Variants in EDIL3 observed in about 807,000 individuals in gnomAD.
EDIL3 encodes EGF-like repeat and discoidin I-like domain-containing protein 3.
A neutral mutation model predicts 67.4 loss-of-function variants in EDIL3; 37 were observed. The ratio of observed to expected loss-of-function variants is 0.55; its 90% CI spans 0.42 to 0.72. The LOEUF is 0.72. Among genes scored for constraint, EDIL3 ranks in the 30% least tolerant of loss-of-function variants. EDIL3 has a pLI of 0.00. For missense variants in EDIL3, 527 were observed against 586.3 expected, an observed-to-expected ratio of 0.90 and a Z score of 1.04; for synonymous variants, 195 against 196.3, an observed-to-expected ratio of 0.99 and a Z score of 0.05.
chr5:84,032,839 C>T (rs968491710), intron 9 of EDIL3, among the ~76,000 whole-genome samples: 2 of 152,118 alleles, frequency 1.3e-5, no homozygotes, highest in Non-Finnish European at 2.9e-5. Context: ...TGTTATGTTT[C>T]TCCCATCAAA....
At chr5:84,072,367 A>T (rs1181433844) in intron 6 of EDIL3, among the ~76,000 whole-genome samples, 1 of 151,862 alleles carries the variant, frequency 6.6e-6, no homozygotes, top group Non-Finnish European at 1.5e-5. Context: ...TGAAAAGATA[A>T]TCATATTCAT....
intron 9 of EDIL3, among the ~76,000 whole-genome samples, chr5:83,997,414 AAAGAGGGTT>A (rs1204501536): frequency 1.3e-4 from 20 of 152,290 alleles, no homozygotes; most frequent in Admixed American, 3.9e-4. Flanking sequence ...GCAATTGAGT[AAAGAGGGTT>A]AAGAGGGTTT....
At chr5:84,230,156 A>G (rs900578686) in intron 2 of EDIL3, among the ~76,000 whole-genome samples, 8 of 152,172 alleles carry the variant, frequency 5.3e-5, no homozygotes, top group African/African-American at 1.9e-4. Context: ...TTAGAAAAAA[A>G]TTGAATTGTC....
At chr5:84,346,257 C>T (rs1747238501) in intron 1 of EDIL3, among the ~76,000 whole-genome samples, 1 of 150,986 alleles carries the variant, frequency 6.6e-6, no homozygotes, top group Non-Finnish European at 1.5e-5. Context: ...GATTCCCCTG[C>T]CTCAGCCTCC....
At chr5:84,332,377 A>G (rs1161722178) in intron 1 of EDIL3, among the ~76,000 whole-genome samples, 1 of 152,126 alleles carries the variant, frequency 6.6e-6, no homozygotes, top group Non-Finnish European at 1.5e-5. Context: ...GTCTCCAAAA[A>G]AAGTTGAGGA....
At chr5:83,959,984 A>T (rs1230277716) in intron 10 of EDIL3, among the ~76,000 whole-genome samples, 2 of 150,818 alleles carry the variant, frequency 1.3e-5, no homozygotes, top group Non-Finnish European at 3.0e-5. Context: ...AAATGGAGAG[A>T]CCTAATGCTC....
intron 9 of EDIL3, among the ~76,000 whole-genome samples, chr5:83,988,476 T>G (rs1375818475): frequency 6.6e-6 from 1 of 152,186 alleles, no homozygotes; most frequent in Non-Finnish European, 1.5e-5. Flanking sequence ...TGTCCCATTT[T>G]GCACAAAGCT....
At chr5:84,264,562 C>T (rs945263405) in intron 1 of EDIL3, among the ~76,000 whole-genome samples, 2 of 152,082 alleles carry the variant, frequency 1.3e-5, no homozygotes, top group African/African-American at 4.8e-5. Context: ...TGAGGGTCGA[C>T]AGCAAAGGAG....
intron 9 of EDIL3, among the ~76,000 whole-genome samples, chr5:84,015,396 A>G (rs540784142): frequency 2.6e-5 from 4 of 152,352 alleles, no homozygotes; most frequent in South Asian, 2.1e-4. Flanking sequence ...GCCCAGACTC[A>G]TAATTTCATT....
intron 3 of EDIL3, among the ~76,000 whole-genome samples, chr5:84,193,588 G>A (rs1743637288): frequency 6.6e-6 from 1 of 151,860 alleles, no homozygotes; most frequent in Non-Finnish European, 1.5e-5. Context: ...AAGTTTAGAG[G>A]TAACATAAGG....
rs148807991 is a variant in EDIL3 at position 84,245,607 on chromosome 5, T to C, written c.196+8477A>G. ...AATCAATGAAGAAGATGAAATCAAG[T>C]AACAGAATGAAAGATTGTAAAGATT... On this transcript the variant is annotated intron_variant, in intron 2 of 10. Transcript: ENST00000296591. Among the ~76,000 whole-genome samples, 240 of 152,216 alleles carry C rather than the reference T, an allele frequency of 1.6e-3. 6 individuals carry two copies. In the East Asian group the frequency reaches 0.042, roughly 26 times the overall value.
chr5:84,329,328 T>A (rs1384627456), intron 1 of EDIL3, among the ~76,000 whole-genome samples: 6 of 152,152 alleles, frequency 3.9e-5, no homozygotes, highest in Admixed American at 1.3e-4. Context: ...AAATGTGTGC[T>A]GATATTTTTC....
chr5:84,181,005 T>C (rs994131346), intron 3 of EDIL3: 1 of 152,260 alleles, frequency 6.6e-6, no homozygotes, highest in Non-Finnish European at 1.5e-5. Context: ...CCCCTGCTGG[T>C]ACAAGCAGCA....
rs200153619 is a variant in EDIL3 at position 84,060,434 on chromosome 5, T to C, written c.1003A>G (p.Ile335Val). ...MKSGHIQDYQ[I>V]TASSIFRTLN... ...GTTCTGAAGATGCTGGAGGCAGTGA[T>C]CTGATAGTCTTGTATATGTCCTGAT... Residue 335 changes from isoleucine to valine, a missense_variant, in exon 9 of 11, where the codon ATC becomes GTC. Ile to Val is a conservative substitution (Grantham distance 29). Transcript: ENST00000296591. 5.0e-6 allele frequency: 8 copies of C among 1,613,788 alleles called. No homozygotes were observed. Among genetic ancestry groups the C allele is most frequent in the African/African-American group, 2.7e-5 (2 of 75,026 alleles).
At chr5:84,290,849 C>A (rs1034587807) in intron 1 of EDIL3, among the ~76,000 whole-genome samples, 1 of 152,124 alleles carries the variant, frequency 6.6e-6, no homozygotes, top group Non-Finnish European at 1.5e-5. Context: ...AGTCTCAAAC[C>A]TAGCCAAAGA....
intron 1 of EDIL3, among the ~76,000 whole-genome samples, chr5:84,299,115 T>G (rs1198098098): frequency 6.6e-6 from 1 of 152,166 alleles, no homozygotes; most frequent in Non-Finnish European, 1.5e-5. Context: ...TAGGTTGCAG[T>G]GTAGGTAAGA....
In EDIL3 at chr5:84,296,015, T is replaced by C. The variant is rs578237125; in HGVS notation, c.68-41803A>G. On this transcript the variant is annotated intron_variant, in intron 1 of 10. Coordinates refer to ENST00000296591, the MANE Select transcript of EDIL3 (RefSeq NM_005711.5). ...ACCTTTTCTAGCTTTGATTTCTGCA[T>C]TGGCAAAATGGGGATAATTAGAGTT... Among the ~76,000 whole-genome samples the C allele has an allele frequency of 6.6e-5, 10 of 152,340 alleles. No individual in the cohort carries two copies. In the East Asian group the frequency reaches 1.7e-3, roughly 26 times the overall value.
At chr5:84,174,434 G>A (rs1018610935) in intron 4 of EDIL3, among the ~76,000 whole-genome samples, 2 of 152,188 alleles carry the variant, frequency 1.3e-5, no homozygotes, top group Non-Finnish European at 2.9e-5. Flanking sequence ...TCAGTTCAAA[G>A]GGCCTATAAC....
intron 3 of EDIL3, among the ~76,000 whole-genome samples, chr5:84,210,812 T>A (rs1221944935): frequency 6.6e-6 from 1 of 152,238 alleles, no homozygotes; most frequent in Non-Finnish European, 1.5e-5. Flanking sequence ...TTATAACCAC[T>A]TTTTAATCCA....
Sources: allele counts gnomAD v4.1 joint callset (sites outside exome capture counted in the v4.1 genomes callset), GRCh38; gene constraint gnomAD v4.1.1; transcripts MANE v1.5; gene names NCBI Gene and HGNC (gene_info 2026-07-23, HGNC 2026-07-21).